The following PDGFC variants were observed in gnomAD, a reference collection of about 807,000 sequenced individuals.
PDGFC encodes the protein platelet-derived growth factor C.
A neutral mutation model predicts 35.5 loss-of-function variants in PDGFC; 12 were observed. That is an observed-to-expected ratio of 0.34 (90% CI 0.22 to 0.55). PDGFC has a LOEUF of 0.55. Among genes scored for constraint, PDGFC ranks in the 20% least tolerant of loss-of-function variants. PDGFC has a pLI of 0.91. For synonymous variants in PDGFC, 159 were observed against 148.8 expected (o/e 1.07, Z -0.50); for missense variants, 322 against 412.4 (o/e 0.78, Z 1.90).
intron 3 of PDGFC, among the ~76,000 whole-genome samples, chr4:156,805,685 T>G (rs1731737613): frequency 6.6e-6 from 1 of 152,030 alleles, no homozygotes. Context: ...AAAGCAAATT[T>G]GGCTTTCAGT....
chr4:156,813,033 T>G (rs1579025651), intron 2 of PDGFC, among the ~76,000 whole-genome samples: 1 of 152,066 alleles, frequency 6.6e-6, no homozygotes, highest in Non-Finnish European at 1.5e-5. Flanking sequence ...TCCAGGAGTT[T>G]TAGTGTATGT....
chr4:156,867,189 T>G lies in PDGFC; in HGVS notation c.119-16773A>C, dbSNP rs1252979354. ...TTAAGCTGAAATTTTTAATAAATCA[T>G]GTATGGATCATATTCTAAGTAGATC... On this transcript the variant is annotated intron_variant, in intron 1 of 5. Coordinates refer to ENST00000502773, the MANE Select transcript of PDGFC (RefSeq NM_016205.3). 1.3e-5 allele frequency among the ~76,000 whole-genome samples: 2 copies of G among 152,240 alleles called. 1 individual carries two copies. The highest frequency in any genetic ancestry group is 6.3e-3 in the Middle Eastern group (2 of 316).
chr4:156,960,626 T>C (rs1732321619), intron 1 of PDGFC, among the ~76,000 whole-genome samples: 1 of 151,910 alleles, frequency 6.6e-6, no homozygotes, highest in African/African-American at 2.4e-5. Flanking sequence ...CCTTTTATTA[T>C]CTACAAAATT....
intron 1 of PDGFC, among the ~76,000 whole-genome samples, chr4:156,962,954 G>A (rs1732377034): frequency 6.6e-6 from 1 of 152,020 alleles, no homozygotes; most frequent in Non-Finnish European, 1.5e-5. Flanking sequence ...GCTGCTCCCA[G>A]GTCCTTCCTG....
intron 1 of PDGFC, among the ~76,000 whole-genome samples, chr4:156,871,819 A>G (rs1360846666): frequency 6.6e-6 from 1 of 152,044 alleles, no homozygotes; most frequent in African/African-American, 2.4e-5. Flanking sequence ...ATTCTTGTAA[A>G]CAAACATTAG....
At position 156,907,978 on chromosome 4, in the gene PDGFC, C is replaced by T. The variant is rs546000173; in HGVS notation, c.119-57562G>A. Among the ~76,000 whole-genome samples, 148 of 152,202 alleles carry T rather than the reference C, an allele frequency of 9.7e-4. 1 individual carries two copies. Among genetic ancestry groups the T allele is most frequent in the African/African-American group, 3.5e-3 (144 of 41,544 alleles). ...GATCAGGAGTTAAAGACCAGCCTGGCCAATATGGTGAAACCCCGTCTCTAC... is the reference window on the plus strand; with the variant it reads ...GATCAGGAGTTAAAGACCAGCCTGGTCAATATGGTGAAACCCCGTCTCTAC... On this transcript the variant is annotated intron_variant, in intron 1 of 5. Transcript: ENST00000502773.
At chr4:156,836,798 A>AT (rs1321684642) in intron 2 of PDGFC, among the ~76,000 whole-genome samples, 2 of 152,086 alleles carry the variant, frequency 1.3e-5, no homozygotes, top group African/African-American at 2.4e-5. Context: ...AAAACAATAA[A>AT]TTTTTTTTGT....
At chr4:156,835,283 A>C (rs979479963) in intron 2 of PDGFC, among the ~76,000 whole-genome samples, 1 of 152,152 alleles carries the variant, frequency 6.6e-6, no homozygotes, top group African/African-American at 2.4e-5. Context: ...AAAAAGCACA[A>C]AATAATAGAC....
intron 2 of PDGFC, among the ~76,000 whole-genome samples, chr4:156,844,242 T>A (rs1729271994): frequency 6.6e-6 from 1 of 152,216 alleles, no homozygotes; most frequent in African/African-American, 2.4e-5. Flanking sequence ...AGTTATATTA[T>A]TTGGCATAGG....
At chr4:156,875,108 G>A (rs1051600373) in intron 1 of PDGFC, among the ~76,000 whole-genome samples, 7 of 151,918 alleles carry the variant, frequency 4.6e-5, no homozygotes, top group Non-Finnish European at 8.8e-5. Flanking sequence ...GCAATTAACA[G>A]GGAAAAAAAG....
intron 1 of PDGFC, among the ~76,000 whole-genome samples, chr4:156,933,057 G>C (rs185533542): frequency 7.0e-4 from 107 of 152,158 alleles, no homozygotes; most frequent in African/African-American, 2.5e-3. Flanking sequence ...CCAGACCTTG[G>C]GCAAATCCCA....
intron 1 of PDGFC, among the ~76,000 whole-genome samples, chr4:156,851,695 G>A (rs1439021922): frequency 6.6e-6 from 1 of 152,096 alleles, no homozygotes; most frequent in South Asian, 2.1e-4. Flanking sequence ...TGTAATCCCA[G>A]CACTTTGGGA....
Position 156,767,990 on chromosome 4 carries a change from A to G in PDGFC, c.704T>C (p.Val235Ala), listed in dbSNP as rs760452946. The G allele has an allele frequency of 1.9e-6, 3 of 1,571,798 alleles. No homozygotes were observed. Among genetic ancestry groups the G allele is most frequent in the East Asian group, 2.2e-5 (1 of 44,646 alleles). ...CTCTGTTAGAAGGTTCAGATCCACC[A>G]CTATATGGTATAAAAGAAAGCAAAG... is the stretch of plus-strand genomic sequence containing the variant. Reference protein sequence around the residue: ...KAFVFGRKSRVVDLNLLTEEV... With the variant: ...KAFVFGRKSRAVDLNLLTEEV... Residue 235 changes from valine to alanine, a missense_variant and splice_region_variant, in exon 5 of 6, where the codon GTG becomes GCG. This residue lies in a region of PDGFC where 202 missense variants were observed against 295.9 expected (regional missense o/e 0.68). Transcript: ENST00000502773.
At position 156,936,747 on chromosome 4, in the gene PDGFC, G is replaced by A. The variant is rs61207150; in HGVS notation, c.118+34039C>T. Among the ~76,000 whole-genome samples the A allele has an allele frequency of 8.2e-3, 1,250 of 152,258 alleles. 17 individuals are homozygous for A. Among genetic ancestry groups the A allele is most frequent in the African/African-American group, 0.028 (1,164 of 41,534 alleles). On this transcript the variant is annotated intron_variant, in intron 1 of 5. Transcript: ENST00000502773. ...GATGGATGGGATGGAGTAGACGAAT[G>A]GAAGAAGAATGACAAATTAGAGATT...
chr4:156,860,667 C>A (rs1729689401), intron 1 of PDGFC, among the ~76,000 whole-genome samples: 1 of 152,066 alleles, frequency 6.6e-6, no homozygotes, highest in South Asian at 2.1e-4. Flanking sequence ...TACTTCTTTT[C>A]TCAAGTGTAG....
At chr4:156,866,199 A>G (rs1208267679) in intron 1 of PDGFC, among the ~76,000 whole-genome samples, 4 of 152,140 alleles carry the variant, frequency 2.6e-5, no homozygotes, top group Non-Finnish European at 4.4e-5. Context: ...GAGTGAGAAC[A>G]TGCAGTGTTT....
chr4:156,929,167 T>A (rs979689365), intron 1 of PDGFC, among the ~76,000 whole-genome samples: 1 of 152,018 alleles, frequency 6.6e-6, no homozygotes, highest in Non-Finnish European at 1.5e-5. Context: ...AAAAGAAAAA[T>A]TGTGCAAAAT....
chr4:156,949,759 A>T (rs1356985768), intron 1 of PDGFC, among the ~76,000 whole-genome samples: 1 of 151,936 alleles, frequency 6.6e-6, no homozygotes, highest in Non-Finnish European at 1.5e-5. Context: ...TTGACTTTCT[A>T]TGGAAATCAA....
intron 3 of PDGFC, among the ~76,000 whole-genome samples, chr4:156,792,615 G>T (rs73856752): frequency 0.012 from 1,806 of 152,180 alleles, 30 homozygotes; most frequent in African/African-American, 0.041. Context: ...TTATCTTCAG[G>T]CAGAAATGCC....
Sources: gnomAD v4.1 joint callset for allele counts (sites outside exome capture counted in the v4.1 genomes callset) on GRCh38, gnomAD v4.1.1 for gene constraint, gnomAD v4.1.1 regional missense constraint, MANE v1.5 for transcripts, NCBI Gene and HGNC (gene_info 2026-07-23, HGNC 2026-07-21) for gene names.